KLHDC8A: variants seen among roughly 807,000 people sequenced by gnomAD.
The protein encoded by KLHDC8A is kelch domain containing 8A, also known as kelch domain-containing protein 8A.
A neutral mutation model predicts 33.1 loss-of-function variants in KLHDC8A; 21 were observed. The ratio of observed to expected loss-of-function variants is 0.64; its 90% CI spans 0.45 to 0.91. The LOEUF (loss-of-function observed/expected upper bound fraction) is 0.91. Among genes scored for constraint, KLHDC8A ranks in the 40% least tolerant of loss-of-function variants. The pLI is 0.00. For synonymous variants in KLHDC8A, 173 were observed against 193.5 expected (o/e 0.89, Z 0.88); for missense variants, 435 against 483.3 (o/e 0.90, Z 0.94).
chr1:205,344,996 A>G (rs1662908020), intron 1 of KLHDC8A, among the ~76,000 whole-genome samples: 1 of 152,052 alleles, frequency 6.6e-6, no homozygotes, highest in African/African-American at 2.4e-5. Flanking sequence ...CTCGGCACCA[A>G]CTCGCAGGGC....
At position 205,337,085 on chromosome 1, in the gene KLHDC8A, G is replaced by A. The variant is rs574105538; in HGVS notation, c.*314C>T. On this transcript the variant is annotated 3_prime_UTR_variant, in exon 6 of 6. Coordinates refer to ENST00000367155, the MANE Select transcript of KLHDC8A (RefSeq NM_018203.3). ...CTACCTGCCTCCTGGAGATGGGGGTGGGGGGAGGTGGGACTCACAGGAGGG... is the reference window on the plus strand; with the variant it reads ...CTACCTGCCTCCTGGAGATGGGGGTAGGGGGAGGTGGGACTCACAGGAGGG... 7 of 348,904 alleles carry A rather than the reference G, an allele frequency of 2.0e-5. No homozygotes were observed. The highest frequency in any genetic ancestry group is 3.2e-5 in the Non-Finnish European group (6 of 187,358). 21.6% of individuals were successfully genotyped at this position (348,904 alleles called of 1,614,324 possible). A position where few individuals can be genotyped will look rare whatever the true frequency, so the allele number is the denominator to read the frequency against.
At chr1:205,340,216 T>C (rs1358952607) in intron 2 of KLHDC8A, among the ~76,000 whole-genome samples, 1 of 152,060 alleles carries the variant, frequency 6.6e-6, no homozygotes, top group East Asian at 1.9e-4. Flanking sequence ...GGTTTTGTCA[T>C]GTTGCCCAGG....
chr1:205,339,477 GTTTC>G lies in KLHDC8A; in HGVS notation c.542-72_542-69del. On this transcript the variant is annotated intron_variant, in intron 3 of 5. Coordinates refer to ENST00000367155, the MANE Select transcript of KLHDC8A (RefSeq NM_018203.3). This position sits in a 1 kb window ranked among gnomAD's most constrained non-coding sequence, Gnocchi z 5.1. ...CCTGAGGACAGCGACAGTGAAAAGG[GTTTC>G]CCCTTTTGACAGTTACTCATTCATA... The G allele has an allele frequency of 6.7e-7, 1 of 1,503,592 alleles. No homozygotes were observed. Among genetic ancestry groups the G allele is most frequent in the Non-Finnish European group, 9.2e-7 (1 of 1,092,582 alleles). 93.1% of individuals were successfully genotyped at this position (1,503,592 alleles called of 1,614,324 possible).
At position 205,337,515 on chromosome 1, in the gene KLHDC8A, G is replaced by A; in HGVS notation, c.937C>T (p.Pro313Ser). Residue 313 changes from proline (P) to serine (S), a missense_variant, in exon 6 of 6, where the codon CCC (proline) becomes TCC (serine). Pro to Ser is a moderately conservative substitution (Grantham distance 74). Coordinates refer to ENST00000367155, the MANE Select transcript of KLHDC8A (RefSeq NM_018203.3). Reference protein sequence around the residue: ...KNKWEILPAMPTPRCACSSIV... With the variant: ...KNKWEILPAMSTPRCACSSIV... ...CTGGAGCAGGCACAGCGGGGTGTGG[G>A]CATGGCAGGGAGGATCTCCCATTTG... 1 of 1,613,924 alleles carries A rather than the reference G, an allele frequency of 6.2e-7. No homozygotes were observed. Among genetic ancestry groups the A allele is most frequent in the Non-Finnish European group, 8.5e-7 (1 of 1,179,878 alleles).
rs1225066359 is a variant in KLHDC8A, at chr1:205,339,360, G to C, written c.591C>G (p.Ile197Met). The C allele has an allele frequency of 1.9e-6, 3 of 1,614,054 alleles. No individual in the cohort carries two copies. The highest frequency in any genetic ancestry group is 2.2e-5 in the East Asian group (1 of 44,892). Reference sequence around the variant, plus strand: ...GAAACTTGGTCCAGGAGCGAGTCTCGATGTCAAAGACCTCGAAAGCGTTGA... The same window carrying C: ...GAAACTTGGTCCAGGAGCGAGTCTCCATGTCAAAGACCTCGAAAGCGTTGA... Reference protein sequence around the residue: ...YAVNAFEVFDIETRSWTKFPN... With the variant: ...YAVNAFEVFDMETRSWTKFPN... Residue 197 changes from isoleucine (I) to methionine (M), a missense_variant, in exon 4 of 6, where the codon ATC (isoleucine) becomes ATG (methionine). Physicochemically the swap from Ile to Met is conservative, Grantham distance 10. Transcript: ENST00000367155. This position sits in a 1 kb window ranked among gnomAD's most constrained non-coding sequence, Gnocchi z 5.1.
At chr1:205,349,786 G>C (rs188648833) in intron 1 of KLHDC8A, among the ~76,000 whole-genome samples, 2 of 152,126 alleles carry the variant, frequency 1.3e-5, no homozygotes, top group East Asian at 3.9e-4. Context: ...ATTGCCGCCC[G>C]GGCCATACTA....
intron 1 of KLHDC8A, among the ~76,000 whole-genome samples, chr1:205,347,640 A>T (rs1662982328): frequency 6.6e-6 from 1 of 152,110 alleles, no homozygotes; most frequent in Non-Finnish European, 1.5e-5. Flanking sequence ...ACTTGAGCCC[A>T]GGGGGTAGAG....
chr1:205,338,384 T>G, intron 5 of KLHDC8A, 111 bp downstream of exon 5: 2 of 796,130 alleles, frequency 2.5e-6, no homozygotes, highest in Non-Finnish European at 4.3e-6. Context: ...AGTATAGTGG[T>G]AGGCAGGTGG....
At chr1:205,349,045 T>C (rs999635746) in intron 1 of KLHDC8A, among the ~76,000 whole-genome samples, 1 of 152,006 alleles carries the variant, frequency 6.6e-6, no homozygotes, top group Non-Finnish European at 1.5e-5. Flanking sequence ...AAGGAAAGGG[T>C]AGTTCCTCCC....
chr1:205,353,265 T>C (rs562700136), intron 1 of KLHDC8A, among the ~76,000 whole-genome samples: 1 of 152,244 alleles, frequency 6.6e-6, no homozygotes, highest in Admixed American at 6.5e-5. Context: ...AGAAAAATAT[T>C]TTGGGATACA....
At chr1:205,356,392 C>T in intron 1 of KLHDC8A, 141 bp downstream of exon 1, 1 of 383,382 alleles carries the variant, frequency 2.6e-6, no homozygotes, top group South Asian at 1.9e-5. Context: ...CCCTTGGAGA[C>T]CCTTGTCCCT....
intron 4 of KLHDC8A, 67 bp from the exon 5 acceptor site, chr1:205,338,663 A>ATTTGGTGG: frequency 7.7e-7 from 1 of 1,296,962 alleles, no homozygotes; most frequent in Non-Finnish European, 1.1e-6. Flanking sequence ...CACCAAATGC[A>ATTTGGTGG]GATTGTGGCC....
In KLHDC8A at chr1:205,339,206, C is replaced by T. The variant is rs762487234; in HGVS notation, c.745G>A (p.Asp249Asn). ...GTGACCAGCTCACCCTGTTCCATGTCGAACACGTCCATCGTCCGCAGGAAC... is the reference window on the plus strand; with the variant it reads ...GTGACCAGCTCACCCTGTTCCATGTTGAACACGTCCATCGTCCGCAGGAAC... ...PKFLRTMDVFDMEQGGWLKME... is the reference protein window; with the variant it reads ...PKFLRTMDVFNMEQGGWLKME... Residue 249 changes from aspartate (D) to asparagine (N), a missense_variant, in exon 4 of 6, where the codon GAC becomes AAC. Coordinates refer to ENST00000367155, the MANE Select transcript of KLHDC8A (RefSeq NM_018203.3). The surrounding 1 kb of genome is among the most constrained non-coding windows in gnomAD (Gnocchi z 5.1). The T allele has an allele frequency of 3.7e-6, 6 of 1,613,938 alleles. No individual in the cohort carries two copies. The highest frequency in any genetic ancestry group is 4.5e-5 in the East Asian group (2 of 44,852).
chr1:205,343,728 C>A lies in KLHDC8A; in HGVS notation c.-124G>T. ...TCTGGCTCCCGAGCGCCGGACCCAG[C>A]CAGACCCCGGCCAGTGCTTCACCGT... On this transcript the variant is annotated 5_prime_UTR_variant, in exon 2 of 6. Coordinates refer to ENST00000367155, the MANE Select transcript of KLHDC8A (RefSeq NM_018203.3). 3.7e-6 allele frequency: 4 copies of A among 1,067,386 alleles called. No homozygotes were observed. The Admixed American group carries it at 1.2e-4, about 31-fold the overall frequency. 66.1% of individuals were successfully genotyped at this position (1,067,386 alleles called of 1,614,324 possible). A position where few individuals can be genotyped will look rare whatever the true frequency, so the allele number is the denominator to read the frequency against.
intron 2 of KLHDC8A, among the ~76,000 whole-genome samples, chr1:205,341,166 G>A (rs1484002063): frequency 6.6e-6 from 1 of 152,142 alleles, no homozygotes; most frequent in Non-Finnish European, 1.5e-5. Context: ...CACCAGAGAG[G>A]ATGGGCAAGG....
intron 4 of KLHDC8A, 97 bp from the exon 5 acceptor site, chr1:205,338,693 G>A: frequency 1.1e-6 from 1 of 924,556 alleles, no homozygotes; most frequent in South Asian, 1.4e-5. Flanking sequence ...TTCACCCTGG[G>A]CAGTGTCTTC....
Position 205,339,278 on chromosome 1 carries a change from A to G in KLHDC8A, c.673T>C (p.Tyr225His). 1 of 1,614,184 alleles carries G rather than the reference A, an allele frequency of 6.2e-7. No homozygotes were observed. The highest frequency in any genetic ancestry group is 1.1e-5 in the South Asian group (1 of 91,088). ...SSFVTLDNHL[Y>H]SLGGLRQGRL... Reference sequence around the variant, plus strand: ...CCTTGCCGCAGGCCTCCTAGGCTGTACAAGTGGTTGTCCAGGGTCACAAAG... The same window carrying G: ...CCTTGCCGCAGGCCTCCTAGGCTGTGCAAGTGGTTGTCCAGGGTCACAAAG... The change falls in exon 4 of 6, where the codon TAC becomes CAC. Residue 225 changes from tyrosine to histidine, a missense_variant. Physicochemically the swap from Tyr to His is moderately conservative, Grantham distance 83. Transcript: ENST00000367155. The surrounding 1 kb of genome is among the most constrained non-coding windows in gnomAD (Gnocchi z 5.1).
At chr1:205,356,456 A>G in intron 1 of KLHDC8A, 77 bp downstream of exon 1, 1 of 448,390 alleles carries the variant, frequency 2.2e-6, no homozygotes, top group Non-Finnish European at 4.5e-6. Flanking sequence ...CACAGACACC[A>G]CTGCCTGTCT....
Position 205,339,870 on chromosome 1 carries a change from C to G in KLHDC8A, c.377-62G>C. On this transcript the variant is annotated intron_variant, in intron 2 of 5. Coordinates refer to ENST00000367155, the MANE Select transcript of KLHDC8A (RefSeq NM_018203.3). The surrounding 1 kb of genome is among the most constrained non-coding windows in gnomAD (Gnocchi z 5.1). The stretch of plus-strand genomic sequence containing the variant: ...CACAGGTACAGCAAGACAGGCCCAC[C>G]AGCATCTATTGCCTCCCATGGCCAG... The G allele has an allele frequency of 6.6e-7, 1 of 1,521,702 alleles. No homozygotes were observed. The highest frequency in any genetic ancestry group is 1.2e-5 in the South Asian group (1 of 82,740). The allele number at this position is 1,521,702 out of a possible 1,614,324, so 94.3% of individuals were successfully genotyped here.
Sources: gnomAD v4.1 joint callset for allele counts (sites outside exome capture counted in the v4.1 genomes callset) on GRCh38, gnomAD v4.1.1 for gene constraint, Gnocchi (gnomAD v3.1) non-coding constraint, MANE v1.5 for transcripts, NCBI Gene and HGNC (gene_info 2026-07-23, HGNC 2026-07-21) for gene names.